CIT: variants seen among roughly 807,000 people sequenced by gnomAD.
The protein encoded by CIT is citron Rho-interacting kinase.
A neutral mutation model predicts 272.7 loss-of-function variants in CIT; 79 were observed. The ratio of observed to expected loss-of-function variants is 0.29; its 90% CI spans 0.24 to 0.35. The LOEUF is 0.35. Among genes scored for constraint, CIT ranks in the 10% least tolerant of loss-of-function variants. The pLI, the probability that CIT is intolerant of heterozygous loss-of-function variation, is 1.00. For missense variants in CIT, 1,909 were observed against 2,618.3 expected, an observed-to-expected ratio of 0.73 and a Z score of 5.91; for synonymous variants, 948 against 995.6, an observed-to-expected ratio of 0.95 and a Z score of 0.90.
At chr12:119,789,180 A>G (rs1296557830) in intron 10 of CIT, among the ~76,000 whole-genome samples, 2 of 152,232 alleles carry the variant, frequency 1.3e-5, no homozygotes, top group Non-Finnish European at 2.9e-5. Flanking sequence ...CAACATTTGT[A>G]TTAAGCTGCT....
rs1167883269 is a variant in CIT at position 119,804,012 on chromosome 12, T to C, written c.1112-623A>G. ...ACTTTTTTTTTTTTTTAGTTCATTA[T>C]GCATCTTCCCCAGCGCAATCATGCC... is the stretch of plus-strand genomic sequence containing the variant. On this transcript the variant is annotated intron_variant, in intron 9 of 47. Transcript: ENST00000392521. This position sits in a 1 kb window ranked among gnomAD's most constrained non-coding sequence, Gnocchi z 5.3. 3.5e-6 allele frequency: 1 copy of C among 283,828 alleles called. No individual in the cohort carries two copies. Among genetic ancestry groups the C allele is most frequent in the Non-Finnish European group, 5.3e-6 (1 of 189,198 alleles). The allele number at this position is 283,828 out of a possible 1,614,324, so 17.6% of individuals were successfully genotyped here. A position where few individuals can be genotyped will look rare whatever the true frequency, so the allele number is the denominator to read the frequency against.
intron 9 of CIT, among the ~76,000 whole-genome samples, chr12:119,817,254 G>C (rs1198595008): frequency 6.6e-6 from 1 of 152,128 alleles, no homozygotes; most frequent in African/African-American, 2.4e-5. Context: ...GCTCATGCCT[G>C]TAATCCCAGC....
At position 119,770,488 on chromosome 12, in the gene CIT, G is replaced by T. The variant is rs184538929; in HGVS notation, c.2208+297C>A. On this transcript the variant is annotated intron_variant, in intron 18 of 47. Transcript: ENST00000392521. The surrounding 1 kb of genome is among the most constrained non-coding windows in gnomAD (Gnocchi z 4.4). ...TCTGCTGATAGAAGTATGTCAACAC[G>T]CCTTTAAAAATGTATTGAAAATGAT... 6.7e-6 allele frequency among the ~76,000 whole-genome samples: 1 copy of T among 149,972 alleles called. No homozygotes were observed. The highest frequency in any genetic ancestry group is 2.5e-5 in the African/African-American group (1 of 40,484).
chr12:119,876,367 T>C (rs1460565026), intron 1 of CIT, among the ~76,000 whole-genome samples, 186 bp from the exon 2 acceptor site: 5 of 152,188 alleles, frequency 3.3e-5, no homozygotes, highest in African/African-American at 1.2e-4. Flanking sequence ...CAGGAGATGA[T>C]ACACTTATCT....
At chr12:119,874,996 C>T (rs1950800341) in intron 2 of CIT, among the ~76,000 whole-genome samples, 1 of 151,782 alleles carries the variant, frequency 6.6e-6, no homozygotes, top group Non-Finnish European at 1.5e-5. Flanking sequence ...ATTTATTTTT[C>T]TTTCTTCAAT....
intron 5 of CIT, among the ~76,000 whole-genome samples, chr12:119,847,364 C>T (rs1203941138): frequency 2.6e-5 from 4 of 152,078 alleles, no homozygotes; most frequent in Admixed American, 6.6e-5. Context: ...GAGGCCAAGA[C>T]GGGTGGATCA....
Position 119,804,058 on chromosome 12 carries a change from A to T in CIT, c.1112-669T>A. 1 of 561,334 alleles carries T rather than the reference A, an allele frequency of 1.8e-6. No individual in the cohort carries two copies. The highest frequency in any genetic ancestry group is 2.3e-6 in the Non-Finnish European group (1 of 442,782). The allele number at this position is 561,334 out of a possible 1,614,324, so 34.8% of individuals were successfully genotyped here. On this transcript the variant is annotated intron_variant, in intron 9 of 47. Transcript: ENST00000392521. This position sits in a 1 kb window ranked among gnomAD's most constrained non-coding sequence, Gnocchi z 5.3. The stretch of plus-strand genomic sequence containing the variant: ...ATGCCCATCAAATCCACTGCAGTTT[A>T]ATCAGCATAATGAAGCACCAGCCAA...
rs1338779283 is a variant in CIT, at chr12:119,804,376, C to A, written c.1112-987G>T. 1.0e-6 allele frequency: 1 copy of A among 985,436 alleles called. No individual in the cohort carries two copies. The highest frequency in any genetic ancestry group is 6.1e-5 in the Admixed American group (1 of 16,272). 61.0% of individuals were successfully genotyped at this position (985,436 alleles called of 1,614,324 possible). On this transcript the variant is annotated intron_variant, in intron 9 of 47. Transcript: ENST00000392521. The surrounding 1 kb of genome is among the most constrained non-coding windows in gnomAD (Gnocchi z 5.3). The stretch of plus-strand genomic sequence containing the variant: ...GCGGGCCAGCCAGGCGAGTTAGAGC[C>A]GAGCATCACATCCCCCGCAGTGCAG...
rs1216561344 is a variant in CIT, at chr12:119,825,251, C to T, written c.871G>A (p.Val291Met). The T allele has an allele frequency of 9.9e-6, 16 of 1,614,170 alleles. No individual in the cohort carries two copies. Among genetic ancestry groups the T allele is most frequent in the East Asian group, 8.9e-5 (4 of 44,886 alleles). The change falls in exon 8 of 48, where the codon GTG (valine) becomes ATG (methionine). Residue 291 changes from valine to methionine, a missense_variant. Val to Met is a conservative substitution (Grantham distance 21). This residue lies in a region of CIT where 529 missense variants were observed against 549.6 expected (regional missense o/e 0.96). Coordinates refer to ENST00000392521, the MANE Select transcript of CIT (RefSeq NM_001206999.2). ...CCATAAATCATCTCATAGGCAATCA[C>T]GCCCACTGACCACCAGTCACAGTCC... ...GLDCDWWSVG[V>M]IAYEMIYGRS... is the part of the protein sequence containing the mutation.
At chr12:119,714,046 CAG>C in intron 33 of CIT, 149 bp downstream of exon 33, 1 of 857,476 alleles carries the variant, frequency 1.2e-6, no homozygotes, top group East Asian at 2.7e-5. Flanking sequence ...ACAGCTTCAA[CAG>C]GGGAAAAATA....
At chr12:119,707,494 C>T (rs1335913465) in intron 40 of CIT, among the ~76,000 whole-genome samples, 3 of 151,664 alleles carry the variant, frequency 2.0e-5, no homozygotes, top group Middle Eastern at 6.3e-3. Flanking sequence ...AAAAGAGACT[C>T]GACGAAAACC....
In CIT at chr12:119,713,887, G is replaced by A. The variant is rs1208407612; in HGVS notation, c.4307-239C>T. On this transcript the variant is annotated intron_variant, in intron 33 of 47. Transcript: ENST00000392521. This position sits in a 1 kb window ranked among gnomAD's most constrained non-coding sequence, Gnocchi z 5.2. The stretch of plus-strand genomic sequence containing the variant: ...TTCAATCCAGACCGCCCACAAACAG[G>A]TGTGTAAAGAACACGTTTGCATGTT... The A allele has an allele frequency of 8.2e-6, 5 of 610,302 alleles. No homozygotes were observed. The highest frequency in any genetic ancestry group is 1.4e-5 in the Non-Finnish European group (5 of 345,840). The allele number at this position is 610,302 out of a possible 1,614,324, so 37.8% of individuals were successfully genotyped here. A position where few individuals can be genotyped will look rare whatever the true frequency, so the allele number is the denominator to read the frequency against.
intron 7 of CIT, among the ~76,000 whole-genome samples, chr12:119,826,828 C>A (rs1015829880): frequency 6.6e-6 from 1 of 152,098 alleles, no homozygotes; most frequent in Non-Finnish European, 1.5e-5. Flanking sequence ...GGGCTTTTCA[C>A]CAAGGAAGTA....
At chr12:119,750,748 T>TATAGATAGATAG (rs6144898) in intron 23 of CIT, among the ~76,000 whole-genome samples, 113 of 147,980 alleles carry the variant, frequency 7.6e-4, no homozygotes, top group Middle Eastern at 6.8e-3. Flanking sequence ...TATATATAGA[T>TATAGATAGATAG]ATAGATAGAT....
Position 119,713,608 on chromosome 12 carries a change from C to A in CIT, c.4347G>T (p.Leu1449Phe). The change falls in exon 34 of 48, where the codon TTG (leucine) becomes TTT (phenylalanine). Residue 1449 changes from leucine to phenylalanine, a missense_variant. This residue lies in a region of CIT where 780 missense variants were observed against 1,067.2 expected (regional missense o/e 0.73). Coordinates refer to ENST00000392521, the MANE Select transcript of CIT (RefSeq NM_001206999.2). This position sits in a 1 kb window ranked among gnomAD's most constrained non-coding sequence, Gnocchi z 5.2. Reference protein sequence around the residue: ...VMCHPKCSTCLPATCGLPAEY... With the variant: ...VMCHPKCSTCFPATCGLPAEY... ...CAGCAGGCAAGCCGCAGGTGGCTGG[C>A]AAGCACGTGGAGCACTTGGGGTGAC... is the stretch of plus-strand genomic sequence containing the variant. The A allele has an allele frequency of 6.2e-7, 1 of 1,614,244 alleles. No homozygotes were observed.
At chr12:119,698,272 AGT>A in intron 44 of CIT, 1 of 595,462 alleles carries the variant, frequency 1.7e-6, no homozygotes, top group Admixed American at 2.6e-5. Flanking sequence ...TCAAGTGTAC[AGT>A]GTAGGGATTG....
intron 46 of CIT, among the ~76,000 whole-genome samples, chr12:119,693,824 G>T (rs1956082428): frequency 6.6e-6 from 1 of 152,212 alleles, no homozygotes; most frequent in Non-Finnish European, 1.5e-5. Context: ...TCTTGCCCAA[G>T]ATCTTGGTAT....
chr12:119,735,098 G>T, intron 25 of CIT, 62 bp downstream of exon 25: 2 of 1,519,916 alleles, frequency 1.3e-6, no homozygotes, highest in Non-Finnish European at 1.8e-6. Flanking sequence ...AACGCACCAA[G>T]CACTCCTAAA....
At chr12:119,796,944 A>G (rs1013602397) in intron 10 of CIT, among the ~76,000 whole-genome samples, 1 of 152,258 alleles carries the variant, frequency 6.6e-6, no homozygotes, top group Admixed American at 6.5e-5. Context: ...GGTACAATCA[A>G]CGGCTTCTGA....
Sources: allele counts gnomAD v4.1 joint callset (sites outside exome capture counted in the v4.1 genomes callset), GRCh38; gene constraint gnomAD v4.1.1; regional missense constraint gnomAD v4.1.1; non-coding constraint Gnocchi (gnomAD v3.1); transcripts MANE v1.5; gene names NCBI Gene and HGNC (gene_info 2026-07-23, HGNC 2026-07-21).